GMDS: variants seen among roughly 807,000 people sequenced by gnomAD.
GMDS encodes the protein GDP-mannose 4,6 dehydratase.
In GMDS, 20 loss-of-function variants were observed where a neutral mutation model predicts 49.9. The observed-to-expected ratio is 0.40, with a 90% CI of 0.28 to 0.58. GMDS has a LOEUF of 0.58. Ranked by LOEUF, GMDS falls within the 20% of genes least tolerant of loss-of-function variation. The pLI is 0.42. For missense variants in GMDS, 362 were observed against 481.4 expected, an observed-to-expected ratio of 0.75 and a Z score of 2.32; for synonymous variants, 177 against 178.6, an observed-to-expected ratio of 0.99 and a Z score of 0.07.
intron 6 of GMDS, among the ~76,000 whole-genome samples, chr6:1,951,702 T>G (rs1425288920): frequency 2.0e-5 from 3 of 152,212 alleles, no homozygotes; most frequent in African/African-American, 7.2e-5. Context: ...GGCCTGATTT[T>G]TAATGTCTTT....
At chr6:1,793,289 T>C (rs762402755) in intron 7 of GMDS, among the ~76,000 whole-genome samples, 131 of 152,322 alleles carry the variant, frequency 8.6e-4, no homozygotes, top group Non-Finnish European at 1.7e-3. Context: ...AGGACGGCTT[T>C]AGGAGCCTAT....
At chr6:1,699,823 G>A (rs1765478067) in intron 9 of GMDS, among the ~76,000 whole-genome samples, 1 of 152,172 alleles carries the variant, frequency 6.6e-6, no homozygotes, top group Non-Finnish European at 1.5e-5. Flanking sequence ...TGGGGGTGGG[G>A]ACATTCTCCT....
chr6:1,696,261 G>T (rs1765337001), intron 9 of GMDS, among the ~76,000 whole-genome samples: 1 of 152,208 alleles, frequency 6.6e-6, no homozygotes, highest in Admixed American at 6.5e-5. Context: ...TATAATCTGT[G>T]ACTTGCAACA....
At chr6:2,223,121 A>G (rs536137192) in intron 1 of GMDS, among the ~76,000 whole-genome samples, 1 of 151,502 alleles carries the variant, frequency 6.6e-6, no homozygotes, top group Non-Finnish European at 1.5e-5. Flanking sequence ...CAATCAATCA[A>G]TCAATCAATA....
chr6:2,042,074 C>T (rs1769718175), intron 4 of GMDS, among the ~76,000 whole-genome samples: 1 of 152,092 alleles, frequency 6.6e-6, no homozygotes, highest in South Asian at 2.1e-4. Flanking sequence ...AAGGAGATAA[C>T]CCTGAGATAA....
chr6:1,823,975 T>C (rs1361390004), intron 7 of GMDS, among the ~76,000 whole-genome samples: 2 of 152,088 alleles, frequency 1.3e-5, no homozygotes, highest in Admixed American at 1.3e-4. Flanking sequence ...ATACTAGTAC[T>C]TCACACTCAG....
At chr6:1,961,906 A>AC (rs2127299007) in intron 4 of GMDS, among the ~76,000 whole-genome samples, 1 of 152,328 alleles carries the variant, frequency 6.6e-6, no homozygotes, top group African/African-American at 2.4e-5. Context: ...GCAACTGCTC[A>AC]CCAGGGACCC....
intron 7 of GMDS, among the ~76,000 whole-genome samples, chr6:1,857,101 GTCA>G (rs1757972770): frequency 6.6e-6 from 1 of 152,188 alleles, no homozygotes; most frequent in South Asian, 2.1e-4. Context: ...ATTCGAATCT[GTCA>G]TCAAGATGCT....
At chr6:1,930,541 T>G (rs1762241598) in intron 6 of GMDS, 2 of 227,236 alleles carry the variant, frequency 8.8e-6, no homozygotes, top group Non-Finnish European at 1.7e-5. Context: ...GAAAAGCTGT[T>G]GGAATGCCAG....
At chr6:2,113,210 C>T (rs1239820125) in intron 4 of GMDS, among the ~76,000 whole-genome samples, 1 of 152,102 alleles carries the variant, frequency 6.6e-6, no homozygotes, top group Non-Finnish European at 1.5e-5. Context: ...CACTGGAGCC[C>T]TGGGTTTCCC....
intron 7 of GMDS, among the ~76,000 whole-genome samples, chr6:1,886,759 C>T (rs1162030914): frequency 2.0e-5 from 3 of 152,192 alleles, no homozygotes; most frequent in Admixed American, 6.5e-5. Context: ...AGATTTGACT[C>T]TTTCAGCAAA....
At chr6:1,695,283 C>A (rs1765300592) in intron 9 of GMDS, among the ~76,000 whole-genome samples, 1 of 152,196 alleles carries the variant, frequency 6.6e-6, no homozygotes, top group South Asian at 2.1e-4. Flanking sequence ...GTGAGTGAAT[C>A]TTAAATTTGG....
At chr6:2,009,583 C>T (rs766679736) in intron 4 of GMDS, among the ~76,000 whole-genome samples, 8 of 152,182 alleles carry the variant, frequency 5.3e-5, no homozygotes, top group Non-Finnish European at 1.0e-4. Flanking sequence ...GCACAGAAAA[C>T]CATTCAATCC....
At chr6:1,798,924 T>C (rs1769842274) in intron 7 of GMDS, among the ~76,000 whole-genome samples, 1 of 152,194 alleles carries the variant, frequency 6.6e-6, no homozygotes, top group South Asian at 2.1e-4. Context: ...TGGAAAGTAC[T>C]GGAACACAAA....
chr6:1,720,279 T>C (rs771231413), intron 9 of GMDS, among the ~76,000 whole-genome samples: 1 of 152,142 alleles, frequency 6.6e-6, no homozygotes, highest in Non-Finnish European at 1.5e-5. Flanking sequence ...GAATGTTATA[T>C]GGCCCTTGGG....
intron 1 of GMDS, among the ~76,000 whole-genome samples, chr6:2,187,317 C>T (rs1026641155): frequency 2.6e-5 from 4 of 152,196 alleles, no homozygotes; most frequent in Non-Finnish European, 4.4e-5. Flanking sequence ...GTGGGAAGTA[C>T]GTTTCCTTCT....
intron 9 of GMDS, among the ~76,000 whole-genome samples, chr6:1,660,662 A>T (rs558286909): frequency 6.6e-6 from 1 of 150,578 alleles, no homozygotes; most frequent in Admixed American, 6.7e-5. Context: ...GATGCAGATC[A>T]ACTGAATAAG....
At chr6:1,900,911 A>T (rs764533582) in intron 7 of GMDS, among the ~76,000 whole-genome samples, 1 of 152,206 alleles carries the variant, frequency 6.6e-6, no homozygotes, top group Non-Finnish European at 1.5e-5. Flanking sequence ...GTTTCAGACG[A>T]CTCAGTTATG....
chr6:1,648,538 G>A (rs1223073666), intron 9 of GMDS, among the ~76,000 whole-genome samples: 1 of 152,156 alleles, frequency 6.6e-6, no homozygotes, highest in Non-Finnish European at 1.5e-5. Context: ...GGAAAACTTA[G>A]AACAAGTATC....
Sources: allele counts gnomAD v4.1 joint callset (sites outside exome capture counted in the v4.1 genomes callset), GRCh38; gene constraint gnomAD v4.1.1; transcripts MANE v1.5; gene names NCBI Gene and HGNC (gene_info 2026-07-23, HGNC 2026-07-21).